The following PARP4 variants were observed in gnomAD, a reference collection of about 807,000 sequenced individuals.
PARP4 encodes the protein protein mono-ADP-ribosyltransferase PARP4.
Under a neutral mutation model 187.7 loss-of-function variants are expected in PARP4, and 120 were observed. The observed-to-expected ratio is 0.64, with a 90% CI of 0.55 to 0.74. The LOEUF (loss-of-function observed/expected upper bound fraction) is 0.74. Among genes scored for constraint, PARP4 ranks in the 30% least tolerant of loss-of-function variants. The pLI is 0.00. For missense variants in PARP4, 1,836 were observed against 2,070.5 expected (o/e 0.89, Z 2.20); for synonymous variants, 654 against 740.9 (o/e 0.88, Z 1.90).
At position 24,456,399 on chromosome 13, in the gene PARP4, A is replaced by G. The variant is rs1180897029; in HGVS notation, c.2504T>C (p.Leu835Ser). ...CATTCTTGGGAGATAGGCAGCAGAC[A>G]AACCGATGTGGAGAGAAAATCCACT... ...DSSGFSLHIGLSAAYLPRMWV... is the reference protein window; with the variant it reads ...DSSGFSLHIGSSAAYLPRMWV... The change falls in exon 21 of 34, where the codon TTG becomes TCG. Residue 835 changes from leucine to serine, a missense_variant. Around this residue, in one of 8 missense-constraint regions of PARP4, gnomAD observed 1,147 missense variants for 1,214.2 expected, o/e 0.94. Transcript: ENST00000381989. The G allele has an allele frequency of 6.2e-7, 1 of 1,612,670 alleles. No individual in the cohort carries two copies. The highest frequency in any genetic ancestry group is 8.5e-7 in the Non-Finnish European group (1 of 1,179,098).
chr13:24,478,326 C>G (rs1312916844), intron 12 of PARP4, 50 bp from the exon 13 acceptor site: 1 of 1,194,408 alleles, frequency 8.4e-7, no homozygotes, highest in East Asian at 2.6e-5. Flanking sequence ...AGTGACTTGT[C>G]AATAACATAC....
chr13:24,485,766 T>A (rs1221234775), intron 11 of PARP4, among the ~76,000 whole-genome samples: 3 of 152,330 alleles, frequency 2.0e-5, no homozygotes, highest in Non-Finnish European at 4.4e-5. Flanking sequence ...GGAAGACTCA[T>A]GAATATAGAA....
intron 15 of PARP4, among the ~76,000 whole-genome samples, chr13:24,473,440 G>A (rs996170885): frequency 1.1e-4 from 16 of 152,120 alleles, no homozygotes; most frequent in Admixed American, 2.6e-4. Context: ...TTCGATAAAC[G>A]TAAAATTCAG....
chr13:24,473,605 T>G (rs375811734), intron 15 of PARP4, among the ~76,000 whole-genome samples: 2 of 152,222 alleles, frequency 1.3e-5, no homozygotes, highest in African/African-American at 4.8e-5. Context: ...TGTTGTTTCT[T>G]GCATCTTAAA....
intron 15 of PARP4, among the ~76,000 whole-genome samples, chr13:24,473,068 C>A (rs1248124862): frequency 6.6e-6 from 1 of 151,976 alleles, no homozygotes; most frequent in Non-Finnish European, 1.5e-5. Flanking sequence ...GTAGATGGGA[C>A]TACAGGTGTA....
chr13:24,499,475 T>C (rs1869152897), intron 4 of PARP4, 99 bp from the exon 5 acceptor site: 7 of 913,978 alleles, frequency 7.7e-6, no homozygotes, highest in South Asian at 4.1e-5. Flanking sequence ...ACAAAATACA[T>C]GATAGATTCC....
At chr13:24,453,308 GA>G (rs1051389935) in intron 23 of PARP4, among the ~76,000 whole-genome samples, 1 of 149,932 alleles carries the variant, frequency 6.7e-6, no homozygotes, top group Non-Finnish European at 1.5e-5. Flanking sequence ...CATTTTAAGA[GA>G]AAAAAAACAA....
At chr13:24,506,771 T>C (rs552546316) in intron 1 of PARP4, among the ~76,000 whole-genome samples, 1 of 152,354 alleles carries the variant, frequency 6.6e-6, no homozygotes, top group African/African-American at 2.4e-5. Context: ...GTGGATCCCA[T>C]GCCAGGGCCG....
rs1227665378 is a variant in PARP4, at chr13:24,434,993, C to T, written c.4148G>A (p.Cys1383Tyr). 1.2e-6 allele frequency: 2 copies of T among 1,613,692 alleles called. No individual in the cohort carries two copies. The highest frequency in any genetic ancestry group is 2.7e-5 in the African/African-American group (2 of 74,890). The change falls in exon 31 of 34, where the codon TGT becomes TAT. Residue 1383 changes from cysteine to tyrosine, a missense_variant. Cys to Tyr is a radical substitution (Grantham distance 194). Transcript: ENST00000381989. ...CADWIPQSAS[C>Y]PTGPPQNPPS... The stretch of plus-strand genomic sequence containing the variant: ...TGGGTTCTGGGGAGGTCCTGTGGGA[C>T]AAGACGCCGACTGTGGGATCCAGTC...
At chr13:24,436,843 A>G (rs1870663481) in intron 30 of PARP4, among the ~76,000 whole-genome samples, 1 of 152,208 alleles carries the variant, frequency 6.6e-6, no homozygotes, top group African/African-American at 2.4e-5. Flanking sequence ...TTAAAAAAGG[A>G]GTAGTCCTTT....
chr13:24,425,597 ATC>A lies in PARP4; in HGVS notation c.4979+867_4979+868del, dbSNP rs1194247609. Among the ~76,000 whole-genome samples the A allele has an allele frequency of 2.4e-3, 209 of 88,194 alleles. 1 individual carries two copies. Among genetic ancestry groups the A allele is most frequent in the African/African-American group, 8.8e-3 (182 of 20,776 alleles). The allele number at this position is 88,194 out of a possible 152,430, so 57.9% of individuals were successfully genotyped here. On this transcript the variant is annotated intron_variant, in intron 33 of 33. Transcript: ENST00000381989. ...TATCTATATCTATATCTATATCTAT[ATC>A]TATATCTATATATCTCAGAGGGATC...
chr13:24,500,445 C>T, intron 3 of PARP4, 63 bp from the exon 4 acceptor site: 1 of 1,006,750 alleles, frequency 9.9e-7, no homozygotes. Context: ...ATTAGTTAAC[C>T]TAAGTGCTGG....
In PARP4 at chr13:24,500,296, A is replaced by G. The variant is rs753543853; in HGVS notation, c.401+20T>C. Reference sequence around the variant, plus strand: ...TTACAAACTCTGTAGAGTCCCAGGAATCAGAAAGAAGTAAATTACTCAGTG... The same window carrying G: ...TTACAAACTCTGTAGAGTCCCAGGAGTCAGAAAGAAGTAAATTACTCAGTG... On this transcript the variant is annotated intron_variant, in intron 4 of 33. Coordinates refer to ENST00000381989, the MANE Select transcript of PARP4 (RefSeq NM_006437.4). 4.0e-6 allele frequency: 6 copies of G among 1,483,790 alleles called. No homozygotes were observed. Among genetic ancestry groups the G allele is most frequent in the Non-Finnish European group, 5.6e-6 (6 of 1,075,552 alleles). 91.9% of individuals were successfully genotyped at this position (1,483,790 alleles called of 1,614,324 possible).
intron 27 of PARP4, among the ~76,000 whole-genome samples, 195 bp from the exon 28 acceptor site, chr13:24,443,925 C>CT (rs1338744061): frequency 6.6e-6 from 1 of 152,242 alleles, no homozygotes; most frequent in Admixed American, 6.5e-5. Flanking sequence ...AGAACATTCT[C>CT]TTTTCCCTGA....
chr13:24,457,117 A>C (rs1269771332), intron 20 of PARP4, among the ~76,000 whole-genome samples: 1 of 152,142 alleles, frequency 6.6e-6, no homozygotes, highest in African/African-American at 2.4e-5. Context: ...CAGATAATTA[A>C]AACCGAGAAG....
chr13:24,496,832 G>A (rs963352613), intron 6 of PARP4, among the ~76,000 whole-genome samples: 15 of 152,274 alleles, frequency 9.9e-5, no homozygotes, highest in African/African-American at 3.6e-4. Context: ...AGACCAGCCT[G>A]GCCAACATGG....
At chr13:24,460,447 C>CTCTGCTGCACGGGTGGGT (rs1358851951) in intron 17 of PARP4, among the ~76,000 whole-genome samples, 2 of 126,064 alleles carry the variant, frequency 1.6e-5, no homozygotes, top group African/African-American at 2.8e-5. Context: ...CACACGTGGG[C>CTCTGCTGCACGGGTGGGT]TCTGCTGCAC....
At chr13:24,478,608 A>T (rs1277795416) in intron 12 of PARP4, among the ~76,000 whole-genome samples, 1 of 151,776 alleles carries the variant, frequency 6.6e-6, no homozygotes, top group Non-Finnish European at 1.5e-5. Flanking sequence ...AACTTTTAAA[A>T]TTTTCTGCTA....
At chr13:24,467,903 C>G (rs17080726) in intron 17 of PARP4, among the ~76,000 whole-genome samples, 1 of 152,096 alleles carries the variant, frequency 6.6e-6, no homozygotes, top group Admixed American at 6.5e-5. Flanking sequence ...TTTGGCCATA[C>G]ATAGAGCCAG....
Sources: allele counts gnomAD v4.1 joint callset (sites outside exome capture counted in the v4.1 genomes callset), GRCh38; gene constraint gnomAD v4.1.1; regional missense constraint gnomAD v4.1.1; transcripts MANE v1.5; gene names NCBI Gene and HGNC (gene_info 2026-07-23, HGNC 2026-07-21).